Variants in GRM1 observed in about 807,000 individuals in gnomAD.
GRM1 encodes the protein glutamate metabotropic receptor 1.
A neutral mutation model predicts 90.9 loss-of-function variants in GRM1; 33 were observed. The ratio of observed to expected loss-of-function variants is 0.36; its 90% CI spans 0.28 to 0.49. GRM1 has a LOEUF of 0.49. GRM1 is among the 20% of genes least tolerant of loss of function. The probability of loss-of-function intolerance (pLI) is 0.99; values close to 1 mark genes in which losing one functional copy is unlikely to be tolerated. For missense variants in GRM1, 1,190 were observed against 1,534.3 expected, an observed-to-expected ratio of 0.78 and a Z score of 3.75; for synonymous variants, 700 against 613.2, an observed-to-expected ratio of 1.14 and a Z score of -2.09.
intron 4 of GRM1, 65 bp from the exon 5 acceptor site, chr6:146,357,461 C>A: frequency 7.6e-7 from 1 of 1,316,522 alleles, no homozygotes; most frequent in Non-Finnish European, 1.1e-6. Context: ...ATCTACTTAC[C>A]AACTTTCTTT....
intron 3 of GRM1, among the ~76,000 whole-genome samples, chr6:146,336,381 A>G (rs1784773069): frequency 6.6e-6 from 1 of 152,176 alleles, no homozygotes; most frequent in African/African-American, 2.4e-5. Flanking sequence ...AGAAGCTGCA[A>G]TCTGATTCCA....
intron 3 of GRM1, among the ~76,000 whole-genome samples, chr6:146,328,189 C>A (rs1295185168): frequency 6.6e-6 from 1 of 152,210 alleles, no homozygotes; most frequent in Non-Finnish European, 1.5e-5. Flanking sequence ...TAATTGCAAT[C>A]ATTTATATTG....
rs1785438993 is a variant in GRM1, at chr6:146,352,384, G to A, written c.1321G>A (p.Ala441Thr). The change falls in exon 4 of 8, where the codon GCC becomes ACC. Residue 441 changes from alanine (A) to threonine (T), a missense_variant. Ala to Thr is a moderately conservative substitution (Grantham distance 58). Transcript: ENST00000282753. ...LCPGHVGLCDAMKPIDGSKLL... is the reference protein window; with the variant it reads ...LCPGHVGLCDTMKPIDGSKLL... The stretch of plus-strand genomic sequence containing the variant: ...CCCTGGCCACGTGGGCCTCTGCGAT[G>A]CCATGAAGCCCATCGACGGCAGCAA... The A allele has an allele frequency of 1.2e-6, 2 of 1,614,130 alleles. No individual in the cohort carries two copies. Among genetic ancestry groups the A allele is most frequent in the East Asian group, 4.5e-5 (2 of 44,874 alleles).
chr6:146,341,403 GT>G (rs1158426467), intron 3 of GRM1, among the ~76,000 whole-genome samples: 1 of 152,102 alleles, frequency 6.6e-6, no homozygotes, highest in Non-Finnish European at 1.5e-5. Flanking sequence ...AGTTGAAGAT[GT>G]TTTTCTTGTA....
At chr6:146,141,678 T>C (rs778714287) in intron 1 of GRM1, among the ~76,000 whole-genome samples, 3 of 152,214 alleles carry the variant, frequency 2.0e-5, no homozygotes, top group Non-Finnish European at 2.9e-5. Context: ...GAGACTCTGA[T>C]GCATTCTTTG....
intron 1 of GRM1, among the ~76,000 whole-genome samples, chr6:146,122,844 T>TTG (rs1185071629): frequency 7.3e-6 from 1 of 136,648 alleles, no homozygotes; most frequent in Non-Finnish European, 1.6e-5. Flanking sequence ...TCTTTCTTTT[T>TTG]TTTTTTTTTT....
intron 1 of GRM1, among the ~76,000 whole-genome samples, chr6:146,073,702 A>G (rs1443724695): frequency 6.6e-6 from 1 of 152,166 alleles, no homozygotes; most frequent in Admixed American, 6.6e-5. Context: ...CTTTACAAGT[A>G]TTATAAGTGA....
At chr6:146,387,686 G>A (rs1411349861) in intron 6 of GRM1, among the ~76,000 whole-genome samples, 1 of 152,000 alleles carries the variant, frequency 6.6e-6, no homozygotes, top group Admixed American at 6.6e-5. Context: ...GAACAAGTAT[G>A]TGGGGTTGGT....
intron 3 of GRM1, among the ~76,000 whole-genome samples, chr6:146,322,482 A>G (rs1315192836): frequency 6.6e-6 from 1 of 152,218 alleles, no homozygotes; most frequent in Non-Finnish European, 1.5e-5. Flanking sequence ...AGTCTGCTGA[A>G]GCTGGACCCA....
intron 7 of GRM1, among the ~76,000 whole-genome samples, chr6:146,425,596 A>G (rs1778170467): frequency 6.6e-6 from 1 of 152,216 alleles, no homozygotes; most frequent in Admixed American, 6.5e-5. Flanking sequence ...GAGTTTGAGG[A>G]GCCCTGTAGA....
chr6:146,043,356 T>C (rs772394583), intron 1 of GRM1, among the ~76,000 whole-genome samples: 4 of 151,924 alleles, frequency 2.6e-5, no homozygotes, highest in Non-Finnish European at 5.9e-5. Context: ...TCCTGAAGAA[T>C]TGCCTTTTCT....
In GRM1 at chr6:146,389,988, C is replaced by A. The variant is rs548739849; in HGVS notation, c.1729+2972C>A. 5.3e-5 allele frequency among the ~76,000 whole-genome samples: 8 copies of A among 152,000 alleles called. No homozygotes were observed. The South Asian group carries it at 1.5e-3, about 28-fold the overall frequency. On this transcript the variant is annotated intron_variant, in intron 6 of 7. Transcript: ENST00000282753. ...TAGCGGTAGTTATGAAATGAGAAAACCTATGAGAACAGAATACTAAAAATC... is the reference window on the plus strand; with the variant it reads ...TAGCGGTAGTTATGAAATGAGAAAAACTATGAGAACAGAATACTAAAAATC...
chr6:146,056,941 G>A (rs1405849638), intron 1 of GRM1, among the ~76,000 whole-genome samples: 2 of 152,112 alleles, frequency 1.3e-5, no homozygotes, highest in East Asian at 3.9e-4. Flanking sequence ...CTCACCAGAA[G>A]AACTGTGAAC....
Position 146,399,088 on chromosome 6 carries a change from A to G in GRM1, c.2049A>G (p.Ala683=). Residue 683 remains alanine (A), a synonymous_variant, in exon 7 of 8, where the codon GCA becomes GCG. Transcript: ENST00000282753. The surrounding 1 kb of genome is among the most constrained non-coding windows in gnomAD (Gnocchi z 5.4). ...SALVTKTNRI[A]RILAGSKKKI... ...TAGTGACTAAAACCAATCGTATTGC[A>G]CGCATCCTGGCTGGCAGCAAGAAGA... 2 of 1,614,064 alleles carry G rather than the reference A, an allele frequency of 1.2e-6. No homozygotes were observed. The highest frequency in any genetic ancestry group is 1.7e-6 in the Non-Finnish European group (2 of 1,179,994).
intron 5 of GRM1, among the ~76,000 whole-genome samples, chr6:146,377,415 G>A (rs945586816): frequency 2.6e-5 from 4 of 152,134 alleles, no homozygotes; most frequent in African/African-American, 9.7e-5. Flanking sequence ...TTAGAAATTG[G>A]AGTAAAGGTC....
chr6:146,132,975 G>A (rs1471656429), intron 1 of GRM1, among the ~76,000 whole-genome samples: 3 of 152,210 alleles, frequency 2.0e-5, no homozygotes, highest in Non-Finnish European at 4.4e-5. Context: ...GGATGTAATA[G>A]TTGTCTTTCT....
chr6:146,404,185 C>T (rs1268441782), intron 7 of GRM1, among the ~76,000 whole-genome samples: 1 of 151,802 alleles, frequency 6.6e-6, no homozygotes, highest in Non-Finnish European at 1.5e-5. Flanking sequence ...TTTATTGAAA[C>T]ATTTGTGATA....
At chr6:146,149,912 C>A (rs1777259046) in intron 1 of GRM1, among the ~76,000 whole-genome samples, 1 of 152,120 alleles carries the variant, frequency 6.6e-6, no homozygotes, top group African/African-American at 2.4e-5. Context: ...AGCTCCTTCA[C>A]TGACCTTGAA....
intron 2 of GRM1, among the ~76,000 whole-genome samples, chr6:146,263,331 T>C (rs1781765935): frequency 6.6e-6 from 1 of 151,980 alleles, no homozygotes; most frequent in African/African-American, 2.4e-5. Context: ...TCACTGAATG[T>C]GAAATTATTA....
Sources: allele counts gnomAD v4.1 joint callset (sites outside exome capture counted in the v4.1 genomes callset), GRCh38; gene constraint gnomAD v4.1.1; non-coding constraint Gnocchi (gnomAD v3.1); transcripts MANE v1.5; gene names NCBI Gene and HGNC (gene_info 2026-07-23, HGNC 2026-07-21).